Variants in HIP1 observed in about 807,000 individuals in gnomAD.
HIP1 encodes huntingtin interacting protein 1.
Under a neutral mutation model 147.6 loss-of-function variants are expected in HIP1, and 65 were observed. The observed-to-expected ratio is 0.44, with a 90% CI of 0.36 to 0.54. The LOEUF is 0.54. Ranked by LOEUF, HIP1 falls within the 20% of genes least tolerant of loss-of-function variation. The pLI is 0.00. For missense variants in HIP1, 1,061 were observed against 1,299.6 expected (o/e 0.82, Z 2.82); for synonymous variants, 479 against 504.0 (o/e 0.95, Z 0.67).
intron 1 of HIP1, among the ~76,000 whole-genome samples, chr7:75,661,127 A>T (rs1415812498): frequency 1.3e-5 from 2 of 151,948 alleles, no homozygotes; most frequent in African/African-American, 2.4e-5. Context: ...AAAAATGCAA[A>T]AATTAGGTGG....
chr7:75,542,677 C>A (rs1163100418), intron 28 of HIP1, among the ~76,000 whole-genome samples, 174 bp downstream of exon 28: 1 of 151,376 alleles, frequency 6.6e-6, no homozygotes, highest in Non-Finnish European at 1.5e-5. Flanking sequence ...CCAGCCTGGG[C>A]GACAGAGTGA....
intron 18 of HIP1, 112 bp from the exon 19 acceptor site, chr7:75,555,663 C>T: frequency 8.6e-7 from 1 of 1,168,318 alleles, no homozygotes; most frequent in Non-Finnish European, 1.2e-6. Context: ...CCAATGAGGT[C>T]CAAGCCAGTA....
intron 9 of HIP1, among the ~76,000 whole-genome samples, chr7:75,564,401 T>A (rs782257727): frequency 7.9e-5 from 12 of 151,794 alleles, no homozygotes; most frequent in Non-Finnish European, 1.3e-4. Flanking sequence ...TTCAAGGGAT[T>A]CTCCTGCCTC....
intron 1 of HIP1, among the ~76,000 whole-genome samples, chr7:75,656,626 T>A (rs1247671695): frequency 6.6e-6 from 1 of 151,674 alleles, no homozygotes; most frequent in Non-Finnish European, 1.5e-5. Flanking sequence ...TACAGGCGTG[T>A]GCCACCACAC....
In HIP1 at chr7:75,537,430, A is replaced by G. The variant is rs1328006058; in HGVS notation, c.*742T>C. 3 of 232,514 alleles carry G rather than the reference A, an allele frequency of 1.3e-5. No individual in the cohort carries two copies. Among genetic ancestry groups the G allele is most frequent in the Non-Finnish European group, 2.6e-5 (3 of 117,608 alleles). The allele number at this position is 232,514 out of a possible 1,614,324, so 14.4% of individuals were successfully genotyped here. On this transcript the variant is annotated 3_prime_UTR_variant, in exon 31 of 31. Coordinates refer to ENST00000336926, the MANE Select transcript of HIP1 (RefSeq NM_005338.7). ...AGCACCGAGAGGCCTGGGCAGCACC[A>G]TCGCTGGAGCTACCACAGTTGGGGG... is the stretch of plus-strand genomic sequence containing the variant.
intron 1 of HIP1, among the ~76,000 whole-genome samples, chr7:75,632,053 AG>A (rs1332940651): frequency 1.3e-5 from 2 of 152,208 alleles, no homozygotes; most frequent in African/African-American, 4.8e-5. Context: ...CTCCGAAGAC[AG>A]GTGCTCGTAG....
chr7:75,603,926 C>T (rs807871), intron 1 of HIP1, among the ~76,000 whole-genome samples: 41,496 of 151,938 alleles, frequency 0.27, 6,157 homozygotes, highest in African/African-American at 0.38. Flanking sequence ...AGTTCATTCC[C>T]CTAAACCTCT....
At chr7:75,557,351 CA>C (rs200736039) in intron 16 of HIP1, among the ~76,000 whole-genome samples, 1 of 151,310 alleles carries the variant, frequency 6.6e-6, no homozygotes, top group Non-Finnish European at 1.5e-5. Context: ...AACAAACAAA[CA>C]AAAAAAAACG....
chr7:75,696,000 C>T (rs1287732961), intron 1 of HIP1, among the ~76,000 whole-genome samples: 1 of 150,210 alleles, frequency 6.7e-6, no homozygotes, highest in African/African-American at 2.4e-5. Flanking sequence ...CTTTTCTTTT[C>T]TTTTTAGACA....
intron 1 of HIP1, among the ~76,000 whole-genome samples, chr7:75,599,996 C>G (rs982984673): frequency 6.6e-6 from 1 of 151,542 alleles, no homozygotes; most frequent in African/African-American, 2.4e-5. Context: ...CCATCAAACC[C>G]GGCTAATTTT....
At position 75,533,713 on chromosome 7, in the gene HIP1, G is replaced by T. The variant is rs782572361; in HGVS notation, c.*4459C>A. On this transcript the variant is annotated 3_prime_UTR_variant, in exon 31 of 31. Transcript: ENST00000336926. ...TCTGGAAAAATCTACTCTCAGAATC[G>T]AACCCAACAGCATTGAATTGTTTCC... is the stretch of plus-strand genomic sequence containing the variant. 4.3e-6 allele frequency: 1 copy of T among 232,640 alleles called. No homozygotes were observed. The highest frequency in any genetic ancestry group is 8.5e-6 in the Non-Finnish European group (1 of 117,690). The allele number at this position is 232,640 out of a possible 1,614,324, so 14.4% of individuals were successfully genotyped here.
intron 13 of HIP1, among the ~76,000 whole-genome samples, chr7:75,560,873 G>T (rs587643270): frequency 6.6e-6 from 1 of 151,990 alleles, no homozygotes; most frequent in East Asian, 1.9e-4. Flanking sequence ...GGGATCACAG[G>T]TGCACACCAC....
chr7:75,630,911 A>G (rs2117124874), intron 1 of HIP1, among the ~76,000 whole-genome samples: 1 of 152,274 alleles, frequency 6.6e-6, no homozygotes, highest in East Asian at 1.9e-4. Flanking sequence ...AATGATAGCC[A>G]TGGTTTACTA....
intron 25 of HIP1, among the ~76,000 whole-genome samples, chr7:75,546,101 TATATAAGA>T (rs1456305088): frequency 2.6e-5 from 4 of 152,286 alleles, no homozygotes; most frequent in South Asian, 4.1e-4. Context: ...CTGTATTGTA[TATATAAGA>T]ATAAATATTC....
chr7:75,633,714 C>A (rs949331496), intron 1 of HIP1, among the ~76,000 whole-genome samples: 3 of 152,122 alleles, frequency 2.0e-5, no homozygotes, highest in Non-Finnish European at 4.4e-5. Flanking sequence ...TTTTGCACAG[C>A]GATCTCTCCA....
chr7:75,629,328 T>A (rs1430549894), intron 1 of HIP1, among the ~76,000 whole-genome samples: 1 of 152,098 alleles, frequency 6.6e-6, no homozygotes, highest in African/African-American at 2.4e-5. Context: ...TGGTTATTTT[T>A]AACACAGGCC....
chr7:75,728,641 A>G (rs568871702), intron 1 of HIP1, among the ~76,000 whole-genome samples: 129 of 151,864 alleles, frequency 8.5e-4, no homozygotes, highest in African/African-American at 3.0e-3. Flanking sequence ...CAAGTGGGGC[A>G]GGGAATCTGA....
chr7:75,681,856 G>T (rs182417105), intron 1 of HIP1, among the ~76,000 whole-genome samples: 3 of 151,646 alleles, frequency 2.0e-5, no homozygotes, highest in South Asian at 4.2e-4. Context: ...TTGAACATCT[G>T]TTCACCCGCC....
chr7:75,621,450 C>G (rs1554507098), intron 1 of HIP1, among the ~76,000 whole-genome samples: 2 of 152,192 alleles, frequency 1.3e-5, no homozygotes, highest in African/African-American at 4.8e-5. Flanking sequence ...AAGACGGGGT[C>G]TTGCCATGTT....
Sources: gnomAD v4.1 joint callset for allele counts (sites outside exome capture counted in the v4.1 genomes callset) on GRCh38, gnomAD v4.1.1 for gene constraint, MANE v1.5 for transcripts, NCBI Gene and HGNC (gene_info 2026-07-23, HGNC 2026-07-21) for gene names.